Variants in TMEM117 observed in about 807,000 individuals in gnomAD.
TMEM117 encodes the protein transmembrane protein 117.
Under a neutral mutation model 52.4 loss-of-function variants are expected in TMEM117, and 27 were observed. The observed-to-expected ratio is 0.51, with a 90% CI of 0.38 to 0.71. TMEM117 has a LOEUF of 0.71. TMEM117 is among the 30% of genes least tolerant of loss of function. TMEM117 has a pLI of 0.00. For synonymous variants in TMEM117, 215 were observed against 206.3 expected (o/e 1.04, Z -0.36); for missense variants, 556 against 630.5 (o/e 0.88, Z 1.26).
chr12:44,041,461 CAT>C (rs1946797526), intron 3 of TMEM117, among the ~76,000 whole-genome samples: 1 of 151,968 alleles, frequency 6.6e-6, no homozygotes, highest in Non-Finnish European at 1.5e-5. Flanking sequence ...GTAATGTTTT[CAT>C]ATATGTTTTT....
intron 6 of TMEM117, among the ~76,000 whole-genome samples, chr12:44,334,800 C>G (rs1376943330): frequency 6.6e-6 from 1 of 151,958 alleles, no homozygotes; most frequent in Non-Finnish European, 1.5e-5. Context: ...TTAAAAAGTA[C>G]TGTTTCATGA....
chr12:44,334,391 T>C (rs1322372266), intron 6 of TMEM117, among the ~76,000 whole-genome samples: 1 of 152,014 alleles, frequency 6.6e-6, no homozygotes, highest in Non-Finnish European at 1.5e-5. Context: ...CAAAGCTATG[T>C]GACTTAATGG....
At chr12:43,807,751 C>G in the TMEM117 span, among the ~76,000 whole-genome samples, 1 of 152,192 alleles carries the variant, frequency 6.6e-6, no homozygotes, top group African/African-American at 2.4e-5. Context: ...ACCACCCTGA[C>G]AGCCACCAGA....
At chr12:44,090,932 A>G (rs898695298) in intron 3 of TMEM117, among the ~76,000 whole-genome samples, 7 of 140,724 alleles carry the variant, frequency 5.0e-5, no homozygotes, top group East Asian at 2.1e-4. Flanking sequence ...TTACCTCTCT[A>G]TGTTAAGGTA....
chr12:44,390,985 A>T (rs1185433244), downstream of TMEM117, among the ~76,000 whole-genome samples: 1 of 152,154 alleles, frequency 6.6e-6, no homozygotes, highest in Non-Finnish European at 1.5e-5. Context: ...TTAAAAAGAG[A>T]TGTGTAGCAA....
At chr12:44,119,805 G>A (rs1018712492) in intron 3 of TMEM117, among the ~76,000 whole-genome samples, 5 of 152,186 alleles carry the variant, frequency 3.3e-5, no homozygotes, top group Admixed American at 6.5e-5. Flanking sequence ...AAGTGGGCTA[G>A]GCAATAGTAC....
intron 5 of TMEM117, among the ~76,000 whole-genome samples, chr12:44,224,863 C>A (rs528721475): frequency 8.1e-4 from 123 of 152,222 alleles, no homozygotes; most frequent in African/African-American, 2.8e-3. Flanking sequence ...CAAGCCCATT[C>A]ATTTCAGTCT....
At chr12:44,123,216 G>A (rs2138144710) in intron 3 of TMEM117, among the ~76,000 whole-genome samples, 1 of 150,302 alleles carries the variant, frequency 6.7e-6, no homozygotes, top group African/African-American at 2.5e-5. Context: ...TTTGAGAAGT[G>A]TCTGTCCTTT....
intron 5 of TMEM117, among the ~76,000 whole-genome samples, chr12:44,217,203 CTAG>C (rs1949729834): frequency 1.3e-5 from 2 of 152,110 alleles, no homozygotes; most frequent in Admixed American, 1.3e-4. Flanking sequence ...GTATTAGTAA[CTAG>C]TAGTTTGACG....
intron 6 of TMEM117, among the ~76,000 whole-genome samples, chr12:44,362,915 C>T (rs1386515499): frequency 4.0e-5 from 6 of 151,336 alleles, no homozygotes; most frequent in East Asian, 1.9e-4. Context: ...TGCAGCGGTG[C>T]GATCTCGGCT....
chr12:44,376,301 C>T (rs1951939926), intron 6 of TMEM117: 2 of 360,254 alleles, frequency 5.6e-6, no homozygotes, highest in Non-Finnish European at 1.0e-5. Flanking sequence ...AAGTGCAGTT[C>T]TCCAGAATGA....
rs859017 is a variant in TMEM117 at position 44,247,606 on chromosome 12, A to G, written c.608+36219A>G. Among the ~76,000 whole-genome samples, 1,191 of 152,354 alleles carry G rather than the reference A, an allele frequency of 7.8e-3. 19 individuals carry two copies. Among genetic ancestry groups the G allele is most frequent in the African/African-American group, 0.028 (1,158 of 41,594 alleles). ...TTCAAAATCTTCTAAGTATCCTGAA[A>G]TATACATTACACTGTTTTTTGCTAA... On this transcript the variant is annotated intron_variant, in intron 5 of 7. Coordinates refer to ENST00000266534, the MANE Select transcript of TMEM117 (RefSeq NM_032256.3).
At chr12:44,105,820 C>T (rs1336098528) in intron 3 of TMEM117, among the ~76,000 whole-genome samples, 1 of 151,992 alleles carries the variant, frequency 6.6e-6, no homozygotes, top group Admixed American at 6.6e-5. Context: ...GAGGGCAGGT[C>T]TCGTGAAGAG....
At chr12:43,917,021 C>CTG (rs201586853) in intron 2 of TMEM117, among the ~76,000 whole-genome samples, 1 of 152,098 alleles carries the variant, frequency 6.6e-6, no homozygotes, top group Admixed American at 6.6e-5. Flanking sequence ...CATTTATTTA[C>CTG]GGCCTCCCTA....
intron 3 of TMEM117, among the ~76,000 whole-genome samples, chr12:44,057,576 T>A (rs1947075929): frequency 6.6e-6 from 1 of 151,756 alleles, no homozygotes; most frequent in Admixed American, 6.6e-5. Context: ...AAGTCTGTGC[T>A]ATGATTTTTT....
At chr12:44,394,101 C>G (rs1046350558), downstream of TMEM117, among the ~76,000 whole-genome samples, 7 of 152,116 alleles carry the variant, frequency 4.6e-5, no homozygotes, top group South Asian at 6.2e-4. Context: ...GCTCTAGAGA[C>G]AACCATATTT....
At position 44,380,648 on chromosome 12, in the gene TMEM117, A is replaced by G. The variant is rs529583272; in HGVS notation, c.898+3924A>G. ...TGGGCACAGTAATAATACTTATCCC[A>G]TAGGGTTGTTGTGAGAATTAAATTA... On this transcript the variant is annotated intron_variant, in intron 7 of 7. Transcript: ENST00000266534. 2.7e-4 allele frequency among the ~76,000 whole-genome samples: 41 copies of G among 152,286 alleles called. No homozygotes were observed. In the South Asian group the frequency reaches 7.9e-3, roughly 29 times the overall value.
chr12:44,017,550 C>A (rs1946392393), intron 3 of TMEM117, among the ~76,000 whole-genome samples: 1 of 152,110 alleles, frequency 6.6e-6, no homozygotes, highest in Non-Finnish European at 1.5e-5. Context: ...ACTGGGTTGG[C>A]TAACTTAGAG....
chr12:43,942,581 A>G (rs1356145497), intron 2 of TMEM117, among the ~76,000 whole-genome samples: 1 of 151,898 alleles, frequency 6.6e-6, no homozygotes, highest in Admixed American at 6.6e-5. Flanking sequence ...GGATAGGCCA[A>G]GAATCCATGG....
Sources: gnomAD v4.1 joint callset for allele counts (sites outside exome capture counted in the v4.1 genomes callset) on GRCh38, gnomAD v4.1.1 for gene constraint, MANE v1.5 for transcripts, NCBI Gene and HGNC (gene_info 2026-07-23, HGNC 2026-07-21) for gene names.